Variants in RELN observed in about 807,000 individuals in gnomAD.
RELN encodes the protein reelin.
Under a neutral mutation model 427.6 loss-of-function variants are expected in RELN, and 108 were observed. The observed-to-expected ratio is 0.25, with a 90% CI of 0.22 to 0.30. The LOEUF (loss-of-function observed/expected upper bound fraction) is 0.30, where lower values mean the gene tolerates loss of function less well. Ranked by LOEUF, RELN falls within the 10% of genes least tolerant of loss-of-function variation. The pLI is 1.00. For synonymous variants in RELN, 1,524 were observed against 1,513.4 expected (o/e 1.01, Z -0.16); for missense variants, 3,715 against 4,302.8 (o/e 0.86, Z 3.82).
chr7:103,604,421 A>C lies in RELN; in HGVS notation c.3071T>G (p.Leu1024Trp). The C allele has an allele frequency of 6.2e-7, 1 of 1,613,988 alleles. No individual in the cohort carries two copies. Among genetic ancestry groups the C allele is most frequent in the South Asian group, 1.1e-5 (1 of 91,082 alleles). The change falls in exon 23 of 65, where the codon TTG becomes TGG. Residue 1024 changes from leucine to tryptophan, a missense_variant. By Grantham distance (61) the Leu-to-Trp change is moderately conservative (BLOSUM62 -2). Coordinates refer to ENST00000428762, the MANE Select transcript of RELN (RefSeq NM_005045.4). Reference protein sequence around the residue: ...SYYTAQDEWALDSIYIGQQCP... With the variant: ...SYYTAQDEWAWDSIYIGQQCP... ...CTGCTGCCCAATGTAAATGCTGTCC[A>C]AAGCCCACTCGTCTTGAGCTGTGTA...
intron 24 of RELN, among the ~76,000 whole-genome samples, chr7:103,602,201 A>G (rs961124632): frequency 6.6e-6 from 1 of 152,250 alleles, no homozygotes; most frequent in Non-Finnish European, 1.5e-5. Flanking sequence ...CTTAATCTAC[A>G]TACTAACCCT....
intron 12 of RELN, among the ~76,000 whole-genome samples, chr7:103,659,141 C>A (rs1445220896): frequency 6.6e-6 from 1 of 151,876 alleles, no homozygotes; most frequent in Non-Finnish European, 1.5e-5. Context: ...GAAACCTGAT[C>A]TTAACATAAG....
rs146856439 is a variant in RELN at position 103,686,302 on chromosome 7, T to A, written c.1144-4041A>T. Among the ~76,000 whole-genome samples, 133 of 152,236 alleles carry A rather than the reference T, an allele frequency of 8.7e-4. No individual in the cohort carries two copies. In the East Asian group the frequency reaches 0.024, roughly 27 times the overall value. On this transcript the variant is annotated intron_variant, in intron 10 of 64. Transcript: ENST00000428762. Reference sequence around the variant, plus strand: ...AGCCCACCCAGCTGGAAGACCATTTTTGATAGCCAAGCTGGCTGGTGGCAG... The same window carrying A: ...AGCCCACCCAGCTGGAAGACCATTTATGATAGCCAAGCTGGCTGGTGGCAG...
At chr7:103,665,623 T>C (rs913059765) in intron 11 of RELN, among the ~76,000 whole-genome samples, 1 of 152,152 alleles carries the variant, frequency 6.6e-6, no homozygotes, top group African/African-American at 2.4e-5. Flanking sequence ...TAAATAATCT[T>C]TCTTTCTCTC....
At chr7:103,823,063 G>A (rs1239715129) in intron 3 of RELN, among the ~76,000 whole-genome samples, 1 of 151,806 alleles carries the variant, frequency 6.6e-6, no homozygotes, top group Non-Finnish European at 1.5e-5. Context: ...CTTCAGCTTT[G>A]TCTACACGCA....
At chr7:103,753,656 A>G (rs920544260) in intron 4 of RELN, among the ~76,000 whole-genome samples, 3 of 152,228 alleles carry the variant, frequency 2.0e-5, no homozygotes, top group African/African-American at 7.2e-5. Flanking sequence ...AGGAAAATTT[A>G]TGTTGAAATT....
chr7:103,738,751 C>T (rs1476044560), intron 6 of RELN, among the ~76,000 whole-genome samples: 1 of 132,130 alleles, frequency 7.6e-6, no homozygotes, highest in African/African-American at 2.9e-5. Flanking sequence ...GGCATTATCT[C>T]GGCTCACTGC....
Position 103,887,553 on chromosome 7 carries a change from A to G in RELN, c.337+29522T>C, listed in dbSNP as rs1037477477. Among the ~76,000 whole-genome samples, 23 of 152,302 alleles carry G rather than the reference A, an allele frequency of 1.5e-4. 1 individual carries two copies. The highest frequency in any genetic ancestry group is 5.5e-4 in the African/African-American group (23 of 41,570). ...CTCCTGTGCAATAAAAATTCAAAAG[A>G]AAAATGAGGTGGGGGTGTAACACGA... is the stretch of plus-strand genomic sequence containing the variant. On this transcript the variant is annotated intron_variant, in intron 2 of 64. Coordinates refer to ENST00000428762, the MANE Select transcript of RELN (RefSeq NM_005045.4).
chr7:103,581,749 G>T (rs1831155265), intron 28 of RELN, among the ~76,000 whole-genome samples: 1 of 152,142 alleles, frequency 6.6e-6, no homozygotes, highest in Non-Finnish European at 1.5e-5. Context: ...TGGCAAATGA[G>T]ATGAGGCTTT....
intron 10 of RELN, among the ~76,000 whole-genome samples, chr7:103,687,424 CCATT>C (rs1431564973): frequency 6.6e-6 from 1 of 152,080 alleles, no homozygotes. Flanking sequence ...CTTGGGGAAG[CCATT>C]TGGCATCTCC....
In RELN at chr7:103,594,398, A is replaced by G; in HGVS notation, c.3634T>C (p.Trp1212Arg). ...AGAATGATGATGTCATCGACTGCCC[A>G]CTGGTCATAGTCCTCCCCTGAGAAC... ...PVFSGEDYDQ[W>R]AVDDIIILSE... Residue 1212 changes from tryptophan to arginine, a missense_variant, in exon 26 of 65, where the codon TGG becomes CGG. Around this residue, in one of 4 missense-constraint regions of RELN, gnomAD observed 2,208 missense variants for 2,361.7 expected, o/e 0.93. Transcript: ENST00000428762. The G allele has an allele frequency of 6.2e-7, 1 of 1,614,096 alleles. No homozygotes were observed. Among genetic ancestry groups the G allele is most frequent in the Non-Finnish European group, 8.5e-7 (1 of 1,179,950 alleles).
chr7:103,858,279 G>A (rs1373628009), intron 2 of RELN, among the ~76,000 whole-genome samples: 4 of 152,056 alleles, frequency 2.6e-5, no homozygotes, highest in African/African-American at 9.7e-5. Flanking sequence ...AACAATACCT[G>A]GTTTTTAGAA....
chr7:103,915,605 T>A (rs1053714380), intron 2 of RELN, among the ~76,000 whole-genome samples: 1 of 152,130 alleles, frequency 6.6e-6, no homozygotes, highest in African/African-American at 2.4e-5. Context: ...TGGTTCTCAA[T>A]CCTGGATAAA....
chr7:103,516,528 T>G (rs1433216848), intron 49 of RELN, among the ~76,000 whole-genome samples: 1 of 152,136 alleles, frequency 6.6e-6, no homozygotes, highest in African/African-American at 2.4e-5. Flanking sequence ...CCTCGGGTGA[T>G]CCACCCACCT....
intron 28 of RELN, among the ~76,000 whole-genome samples, chr7:103,583,699 C>T (rs1831206323): frequency 6.6e-6 from 1 of 152,164 alleles, no homozygotes; most frequent in Non-Finnish European, 1.5e-5. Flanking sequence ...ACAGGAAACA[C>T]CTGAGGCACA....
At chr7:103,903,320 G>A (rs886468436) in intron 2 of RELN, among the ~76,000 whole-genome samples, 1 of 150,756 alleles carries the variant, frequency 6.6e-6, no homozygotes, top group Non-Finnish European at 1.5e-5. Flanking sequence ...AGAGAGAAAA[G>A]TATTCCTGAT....
chr7:103,479,058 G>T (rs953240461), intron 63 of RELN, among the ~76,000 whole-genome samples: 8 of 152,116 alleles, frequency 5.3e-5, no homozygotes, highest in African/African-American at 1.9e-4. Flanking sequence ...ATTCATTCAC[G>T]AAGGCTTTTT....
chr7:103,510,536 C>T (rs539737503), intron 51 of RELN, among the ~76,000 whole-genome samples: 22 of 152,102 alleles, frequency 1.4e-4, no homozygotes, highest in East Asian at 3.9e-4. Flanking sequence ...ATGTAGATGA[C>T]GGTTTGATGG....
At chr7:103,984,427 A>G (rs1797055444) in intron 1 of RELN, among the ~76,000 whole-genome samples, 1 of 152,174 alleles carries the variant, frequency 6.6e-6, no homozygotes, top group African/African-American at 2.4e-5. Context: ...GGAAGGAAAT[A>G]TAATTAAATA....
Sources: allele counts gnomAD v4.1 joint callset (sites outside exome capture counted in the v4.1 genomes callset), GRCh38; gene constraint gnomAD v4.1.1; regional missense constraint gnomAD v4.1.1; transcripts MANE v1.5; gene names NCBI Gene and HGNC (gene_info 2026-07-23, HGNC 2026-07-21).